The following TMTC2 variants were observed in gnomAD, a reference collection of about 807,000 sequenced individuals.
TMTC2 encodes protein O-mannosyl-transferase TMTC2.
A neutral mutation model predicts 82.4 loss-of-function variants in TMTC2; 43 were observed. That is an observed-to-expected ratio of 0.52 (90% CI 0.41 to 0.67). TMTC2 has a LOEUF of 0.67. Among genes scored for constraint, TMTC2 ranks in the 30% least tolerant of loss-of-function variants. The pLI, the probability that TMTC2 is intolerant of heterozygous loss-of-function variation, is 0.00. For missense variants in TMTC2, 919 were observed against 1,012.4 expected (o/e 0.91, Z 1.25); for synonymous variants, 408 against 381.9 (o/e 1.07, Z -0.80).
intron 11 of TMTC2, among the ~76,000 whole-genome samples, chr12:83,110,308 C>A (rs1884557673): frequency 6.6e-6 from 1 of 152,166 alleles, no homozygotes; most frequent in South Asian, 2.1e-4. Flanking sequence ...CTGTCACTGT[C>A]TTTCTCCTGT....
chr12:82,854,261 G>C (rs1871136590), intron 1 of TMTC2, among the ~76,000 whole-genome samples: 1 of 152,166 alleles, frequency 6.6e-6, no homozygotes, highest in African/African-American at 2.4e-5. Context: ...GTTTAGAAAA[G>C]GTAGCAACTT....
intron 1 of TMTC2, among the ~76,000 whole-genome samples, chr12:82,848,488 T>A (rs896062923): frequency 3.3e-5 from 5 of 152,152 alleles, no homozygotes; most frequent in Non-Finnish European, 7.3e-5. Flanking sequence ...TTTATTTGCC[T>A]TGTCTACTTG....
chr12:82,787,520 C>A (rs1489416170), intron 1 of TMTC2, among the ~76,000 whole-genome samples: 1 of 152,094 alleles, frequency 6.6e-6, no homozygotes, highest in African/African-American at 2.4e-5. Context: ...AAATCTTTAT[C>A]CATTAAAATT....
rs529617422 is a variant in TMTC2 at position 82,947,765 on chromosome 12, G to A, written c.1598+17220G>A. On this transcript the variant is annotated intron_variant, in intron 4 of 11. Coordinates refer to ENST00000321196, the MANE Select transcript of TMTC2 (RefSeq NM_152588.3). ...AAAGTCAAGGGAAATAAGACCAGTA[G>A]CCTTATTAAATATAAGGGTAGAATG... is the stretch of plus-strand genomic sequence containing the variant. 2.2e-4 allele frequency among the ~76,000 whole-genome samples: 34 copies of A among 152,228 alleles called. 1 individual carries two copies. The highest frequency in any genetic ancestry group is 7.7e-4 in the African/African-American group (32 of 41,538).
intron 1 of TMTC2, among the ~76,000 whole-genome samples, chr12:82,808,577 C>T (rs898282961): frequency 3.3e-5 from 5 of 152,034 alleles, no homozygotes; most frequent in African/African-American, 9.7e-5. Context: ...TTCATTTCTT[C>T]ATCTGTTTAT....
At chr12:83,122,810 A>C (rs1056547818) in intron 11 of TMTC2, among the ~76,000 whole-genome samples, 7 of 152,152 alleles carry the variant, frequency 4.6e-5, no homozygotes, top group African/African-American at 1.7e-4. Flanking sequence ...CTGTCTGTCC[A>C]ATCAGAGCTG....
In TMTC2 at chr12:83,038,206, G is replaced by T. The variant is rs374569877; in HGVS notation, c.2152+7327G>T. ...AATGTTAAATGACGAGTTAATGGGT[G>T]CAGCACACCAACATGGCACATGTAT... On this transcript the variant is annotated intron_variant, in intron 9 of 11. Transcript: ENST00000321196. Among the ~76,000 whole-genome samples the T allele has an allele frequency of 1.7e-4, 26 of 151,588 alleles. No individual in the cohort carries two copies. In the East Asian group the frequency reaches 4.5e-3, roughly 26 times the overall value.
intron 2 of TMTC2, among the ~76,000 whole-genome samples, chr12:82,868,440 A>T (rs554989138): frequency 6.6e-6 from 1 of 152,192 alleles, no homozygotes; most frequent in African/African-American, 2.4e-5. Flanking sequence ...ATTGAGATTG[A>T]TAACAAGTAC....
intron 11 of TMTC2, among the ~76,000 whole-genome samples, chr12:83,099,948 C>T (rs1015276522): frequency 6.7e-6 from 1 of 149,658 alleles, no homozygotes; most frequent in African/African-American, 2.5e-5. Flanking sequence ...TGGAGTCTCT[C>T]TCCGTCACCC....
chr12:82,771,139 AGAGATTGCAGTGAGCC>A (rs1877284367), intron 1 of TMTC2, among the ~76,000 whole-genome samples: 2 of 151,554 alleles, frequency 1.3e-5, no homozygotes, highest in South Asian at 4.2e-4. Flanking sequence ...CCTTGGAGGC[AGAGATTGCAGTGAGCC>A]GAGATCACGC....
intron 1 of TMTC2, among the ~76,000 whole-genome samples, chr12:82,804,195 A>G (rs1214943766): frequency 6.6e-6 from 1 of 152,186 alleles, no homozygotes; most frequent in African/African-American, 2.4e-5. Context: ...AGAGAGCATG[A>G]AGAAGTCAAT....
At chr12:82,925,630 A>G (rs1005138375) in intron 3 of TMTC2, among the ~76,000 whole-genome samples, 1 of 152,158 alleles carries the variant, frequency 6.6e-6, no homozygotes, top group African/African-American at 2.4e-5. Flanking sequence ...TTCTCACAAT[A>G]TATTAATTTT....
intron 4 of TMTC2, among the ~76,000 whole-genome samples, chr12:82,955,402 C>T (rs1186694981): frequency 6.6e-6 from 1 of 152,160 alleles, no homozygotes; most frequent in Non-Finnish European, 1.5e-5. Context: ...GTCCAATCCA[C>T]TGTTATTGTG....
At chr12:83,052,230 G>A (rs886817177) in intron 10 of TMTC2, among the ~76,000 whole-genome samples, 1 of 151,998 alleles carries the variant, frequency 6.6e-6, no homozygotes, top group African/African-American at 2.4e-5. Context: ...AAAGTAGAAG[G>A]ACTATTTTTT....
At chr12:82,825,120 G>A (rs528991011) in intron 1 of TMTC2, among the ~76,000 whole-genome samples, 14 of 151,772 alleles carry the variant, frequency 9.2e-5, no homozygotes, top group African/African-American at 2.9e-4. Context: ...AGACATACGA[G>A]CAGATCAGAA....
At chr12:82,893,369 CA>C (rs71443447) in intron 2 of TMTC2, among the ~76,000 whole-genome samples, 57,141 of 122,280 alleles carry the variant, frequency 0.47, 11,310 homozygotes, top group Middle Eastern at 0.53. Context: ...GACTCTATCT[CA>C]AAAAAAAAAA....
At chr12:82,688,135 A>G (rs957043402) in intron 1 of TMTC2, among the ~76,000 whole-genome samples, 1 of 152,154 alleles carries the variant, frequency 6.6e-6, no homozygotes, top group Non-Finnish European at 1.5e-5. Context: ...CACACGTTTG[A>G]TAGTTGCCAA....
intron 1 of TMTC2, among the ~76,000 whole-genome samples, chr12:82,720,447 TATATTAA>T (rs1036311327): frequency 2.7e-4 from 41 of 152,258 alleles, no homozygotes; most frequent in African/African-American, 4.1e-4. Context: ...TTAAACATTT[TATATTAA>T]ATATTAAATA....
intron 3 of TMTC2, among the ~76,000 whole-genome samples, chr12:82,918,494 A>G (rs1273377252): frequency 6.6e-6 from 1 of 152,178 alleles, no homozygotes; most frequent in Non-Finnish European, 1.5e-5. Flanking sequence ...ACAAAGACAT[A>G]TGTTAAATTT....
Sources: gnomAD v4.1 joint callset for allele counts (sites outside exome capture counted in the v4.1 genomes callset) on GRCh38, gnomAD v4.1.1 for gene constraint, MANE v1.5 for transcripts, NCBI Gene and HGNC (gene_info 2026-07-23, HGNC 2026-07-21) for gene names.